Variants in TTC27 observed in about 807,000 individuals in gnomAD.
TTC27 encodes tetratricopeptide repeat protein 27.
Under a neutral mutation model 115.9 loss-of-function variants are expected in TTC27, and 79 were observed. The ratio of observed to expected loss-of-function variants is 0.68; its 90% CI spans 0.57 to 0.82. The LOEUF is 0.82. Among genes scored for constraint, TTC27 ranks in the 40% least tolerant of loss-of-function variants. The pLI is 0.00. For synonymous variants in TTC27, 401 were observed against 356.0 expected (o/e 1.13, Z -1.42); for missense variants, 1,054 against 993.1 (o/e 1.06, Z -0.82).
chr2:32,720,373 T>G (rs918451038), intron 10 of TTC27, among the ~76,000 whole-genome samples: 2 of 152,192 alleles, frequency 1.3e-5, no homozygotes, highest in Admixed American at 1.3e-4. Context: ...TTTGAATTAC[T>G]TACTTATTAG....
At chr2:32,700,921 T>G (rs1006509361) in intron 9 of TTC27, among the ~76,000 whole-genome samples, 2 of 152,202 alleles carry the variant, frequency 1.3e-5, no homozygotes, top group Non-Finnish European at 2.9e-5. Flanking sequence ...TTTTAATGTC[T>G]TCTCTTTCAT....
At chr2:32,789,945 A>G (rs903080435) in intron 16 of TTC27, among the ~76,000 whole-genome samples, 1 of 137,268 alleles carries the variant, frequency 7.3e-6, no homozygotes, top group South Asian at 2.2e-4. Context: ...AAAAAAAAAA[A>G]AGAGAAGTCT....
At chr2:32,754,756 G>A (rs1669145763) in intron 12 of TTC27, among the ~76,000 whole-genome samples, 1 of 151,158 alleles carries the variant, frequency 6.6e-6, no homozygotes, top group South Asian at 2.1e-4. Context: ...CGGACGGGGT[G>A]GCTGGCCGGG....
chr2:32,682,018 G>GTA (rs1666447662), intron 9 of TTC27, among the ~76,000 whole-genome samples: 1 of 141,968 alleles, frequency 7.0e-6, no homozygotes, highest in South Asian at 2.3e-4. Flanking sequence ...GTGTGTGTGT[G>GTA]TGTGTGTGTA....
chr2:32,740,718 G>A (rs1378069009), intron 12 of TTC27, among the ~76,000 whole-genome samples: 2 of 152,094 alleles, frequency 1.3e-5, no homozygotes, highest in African/African-American at 2.4e-5. Context: ...GCAGTGGCAC[G>A]ATCTTAGCTC....
At chr2:32,672,464 G>A in intron 8 of TTC27, 80 bp downstream of exon 8, 3 of 1,093,528 alleles carry the variant, frequency 2.7e-6, no homozygotes. Context: ...TATTCAAGGA[G>A]GTTCCAAGAG....
Position 32,760,315 on chromosome 2 carries a change from G to T in TTC27, c.1680+1796G>T, listed in dbSNP as rs184409477. Among the ~76,000 whole-genome samples, 28 of 152,316 alleles carry T rather than the reference G, an allele frequency of 1.8e-4. No homozygotes were observed. The East Asian group carries it at 5.0e-3, about 27-fold the overall frequency. On this transcript the variant is annotated intron_variant, in intron 13 of 19. Transcript: ENST00000317907. ...GATGCTTAGAGTATACTAAGGAATT[G>T]GTTTTTGTTGACAGTTTGCTCTAAG...
chr2:32,801,216 A>G (rs959457904), intron 16 of TTC27, among the ~76,000 whole-genome samples: 12 of 152,202 alleles, frequency 7.9e-5, no homozygotes, highest in African/African-American at 2.9e-4. Context: ...TAGGGCTACA[A>G]TAACAAATTA....
At chr2:32,762,919 C>T (rs757911629) in intron 13 of TTC27, among the ~76,000 whole-genome samples, 2 of 152,104 alleles carry the variant, frequency 1.3e-5, no homozygotes, top group East Asian at 1.9e-4. Flanking sequence ...GGATTACAGG[C>T]GTGAGCCACC....
chr2:32,663,716 G>T (rs917629758), intron 5 of TTC27, among the ~76,000 whole-genome samples: 3 of 151,996 alleles, frequency 2.0e-5, no homozygotes, highest in Non-Finnish European at 2.9e-5. Context: ...ACGGGTTCTT[G>T]CTCTGTCGCT....
intron 12 of TTC27, among the ~76,000 whole-genome samples, chr2:32,757,803 C>T (rs1333408898): frequency 6.6e-6 from 1 of 152,154 alleles, no homozygotes; most frequent in Non-Finnish European, 1.5e-5. Context: ...AGCGATTTCT[C>T]CTGCCTCAGC....
intron 9 of TTC27, among the ~76,000 whole-genome samples, chr2:32,688,636 A>G: frequency 6.6e-6 from 1 of 152,130 alleles, no homozygotes; most frequent in East Asian, 1.9e-4. Context: ...AGATATATGC[A>G]TGGCCAAAAG....
At chr2:32,817,902 C>A (rs760036883) in intron 19 of TTC27, among the ~76,000 whole-genome samples, 3 of 152,000 alleles carry the variant, frequency 2.0e-5, no homozygotes, top group Non-Finnish European at 4.4e-5. Context: ...CTAAAAAATA[C>A]AGAAATTAGC....
chr2:32,644,376 A>T (rs114660393), intron 4 of TTC27, among the ~76,000 whole-genome samples: 1 of 151,684 alleles, frequency 6.6e-6, no homozygotes, highest in African/African-American at 2.4e-5. Flanking sequence ...TATGTTAAGC[A>T]TCATTTGAAA....
At position 32,628,370 on chromosome 2, in the gene TTC27, CG is replaced by C. The variant is rs1260797544; in HGVS notation, c.79del (p.Val27SerfsTer22). ...ERQQWKQEGV[V>X]GSESGSFLQL... ...GGCAGCAATGGAAACAGGAGGGGGT[CG>C]TCGGTTCAGGTGAGAGGCGCACCTA... On this transcript the variant is annotated frameshift_variant, in exon 1 of 20. Coordinates refer to ENST00000317907, the MANE Select transcript of TTC27 (RefSeq NM_017735.5). LOFTEE classifies it high-confidence loss of function. 2 of 1,601,756 alleles carry C rather than the reference CG, an allele frequency of 1.2e-6. No homozygotes were observed. The highest frequency in any genetic ancestry group is 1.7e-6 in the Non-Finnish European group (2 of 1,175,504).
intron 10 of TTC27, among the ~76,000 whole-genome samples, chr2:32,726,489 C>A (rs898292925): frequency 2.0e-5 from 3 of 152,186 alleles, no homozygotes; most frequent in South Asian, 2.1e-4. Flanking sequence ...CAAGAGTCAC[C>A]TTTGCTCTAG....
chr2:32,677,375 C>T (rs1666249329), intron 8 of TTC27, among the ~76,000 whole-genome samples: 1 of 151,774 alleles, frequency 6.6e-6, no homozygotes. Context: ...TTCAAGAATT[C>T]CTCTGGTCTC....
intron 7 of TTC27, among the ~76,000 whole-genome samples, chr2:32,671,446 T>A (rs10183627): frequency 0.82 from 124,087 of 152,080 alleles, 50,652 homozygotes; most frequent in Middle Eastern, 0.9. Context: ...GTTCTCTAAT[T>A]TCATTTATTG....
At chr2:32,719,520 C>T (rs1266000478) in intron 10 of TTC27, among the ~76,000 whole-genome samples, 1 of 152,116 alleles carries the variant, frequency 6.6e-6, no homozygotes, top group African/African-American at 2.4e-5. Context: ...TTGCCTTCTG[C>T]ATGTGGTCAT....
Sources: allele counts gnomAD v4.1 joint callset (sites outside exome capture counted in the v4.1 genomes callset), GRCh38; gene constraint gnomAD v4.1.1; transcripts MANE v1.5; gene names NCBI Gene and HGNC (gene_info 2026-07-23, HGNC 2026-07-21).